The following SLC6A5 variants were observed in gnomAD, a reference collection of about 807,000 sequenced individuals.
SLC6A5 encodes the protein sodium- and chloride-dependent glycine transporter 2.
In SLC6A5, 58 loss-of-function variants were observed where a neutral mutation model predicts 90.5. The observed-to-expected ratio is 0.64, with a 90% CI of 0.52 to 0.80. The LOEUF (loss-of-function observed/expected upper bound fraction) is 0.80, where lower values mean the gene tolerates loss of function less well. Among genes scored for constraint, SLC6A5 ranks in the 30% least tolerant of loss-of-function variants. The probability of loss-of-function intolerance (pLI) is 0.00; values close to 1 mark genes in which losing one functional copy is unlikely to be tolerated. For missense variants in SLC6A5, 1,015 were observed against 1,017.6 expected, an observed-to-expected ratio of 1.00 and a Z score of 0.03; for synonymous variants, 427 against 401.4, an observed-to-expected ratio of 1.06 and a Z score of -0.76.
In SLC6A5 at chr11:20,614,817, T is replaced by C; in HGVS notation, c.1124T>C (p.Phe375Ser). ...KTFVSGSEEY[F>S]KYFVLKISAG... The stretch of plus-strand genomic sequence containing the variant: ...TTTGTCAGTGGAAGTGAAGAGTACT[T>C]CAAGTAAGATGACTTTCTTTTTCCT... Residue 375 changes from phenylalanine to serine, a missense_variant, in exon 6 of 16, where the codon TTC becomes TCC. By Grantham distance (155) the Phe-to-Ser change is radical (BLOSUM62 -2). Around this residue, in one of 3 missense-constraint regions of SLC6A5, gnomAD observed 567 missense variants for 507.3 expected, o/e 1.12. Coordinates refer to ENST00000525748, the MANE Select transcript of SLC6A5 (RefSeq NM_004211.5). The C allele has an allele frequency of 6.2e-7, 1 of 1,613,024 alleles. No individual in the cohort carries two copies. The highest frequency in any genetic ancestry group is 8.5e-7 in the Non-Finnish European group (1 of 1,178,926).
chr11:20,623,963 C>T (rs893715548), intron 7 of SLC6A5, among the ~76,000 whole-genome samples: 37 of 151,828 alleles, frequency 2.4e-4, no homozygotes, highest in Non-Finnish European at 4.6e-4. Context: ...ATACTTATCA[C>T]GATTATTGTT....
intron 13 of SLC6A5, among the ~76,000 whole-genome samples, chr11:20,639,571 GC>G: frequency 6.6e-6 from 1 of 152,240 alleles, no homozygotes; most frequent in East Asian, 1.9e-4. Flanking sequence ...TAAACTGGGG[GC>G]CCAGCAAAGC....
At chr11:20,632,768 C>T (rs567439199) in intron 10 of SLC6A5, among the ~76,000 whole-genome samples, 1 of 152,328 alleles carries the variant, frequency 6.6e-6, no homozygotes, top group African/African-American at 2.4e-5. Context: ...TCAACCTGAG[C>T]CCCACTTCCT....
chr11:20,635,848 T>C (rs997124632), intron 10 of SLC6A5, among the ~76,000 whole-genome samples: 4 of 152,186 alleles, frequency 2.6e-5, no homozygotes, highest in African/African-American at 7.2e-5. Context: ...GTAGTTATCC[T>C]ACCCCTACCC....
At chr11:20,643,345 G>C (rs1038916562) in intron 13 of SLC6A5, among the ~76,000 whole-genome samples, 4 of 151,784 alleles carry the variant, frequency 2.6e-5, no homozygotes, top group African/African-American at 7.3e-5. Flanking sequence ...TGCTCAGAAG[G>C]CCTAGTGATC....
At position 20,601,178 on chromosome 11, in the gene SLC6A5, AGGC is replaced by A; in HGVS notation, c.64_66del (p.Ala22del). The A allele has an allele frequency of 1.3e-6, 2 of 1,589,456 alleles. No homozygotes were observed. The highest frequency in any genetic ancestry group is 1.7e-5 in the Admixed American group (1 of 58,888). On this transcript the variant is annotated inframe_deletion, in exon 2 of 16. Transcript: ENST00000525748. Reference sequence around the variant, plus strand: ...AATAAACTGCCAGCCAACAGCCCGGAGGCGGCGGCGGCGCAGGGCCACCCGGAT... The same window carrying A: ...AATAAACTGCCAGCCAACAGCCCGGAGGCGGCGGCGCAGGGCCACCCGGAT...
rs1425819951 is a variant in SLC6A5 at position 20,617,842 on chromosome 11, T to C, written c.1218T>C (p.Ile406=). The C allele has an allele frequency of 2.5e-6, 4 of 1,613,898 alleles. No individual in the cohort carries two copies. The African/African-American group carries it at 4.0e-5, about 16-fold the overall frequency. ...TCTGCCTCTTCCTGGCTTGGGTCAT[T>C]GTGTATGCATCATTGGCTAAAGGAA... ...LALCLFLAWV[I]VYASLAKGIK... is the part of the protein sequence containing the mutation. The change falls in exon 7 of 16, where the codon ATT becomes ATC. Residue 406 remains isoleucine (I), a synonymous_variant. Coordinates refer to ENST00000525748, the MANE Select transcript of SLC6A5 (RefSeq NM_004211.5).
intron 9 of SLC6A5, among the ~76,000 whole-genome samples, 174 bp downstream of exon 9, chr11:20,628,257 C>T (rs1323220702): frequency 6.6e-6 from 1 of 152,168 alleles, no homozygotes; most frequent in Non-Finnish European, 1.5e-5. Context: ...CTTCTGAAGG[C>T]CTGGACCCTC....
In SLC6A5 at chr11:20,657,129, A is replaced by C. The variant is rs866796669; in HGVS notation, c.*2261A>C. On this transcript the variant is annotated 3_prime_UTR_variant, in exon 16 of 16. Transcript: ENST00000525748. Reference sequence around the variant, plus strand: ...GGCTCTCCTGTTGCCTCTTGGCTAAAACTCTGATTGAGCCAATGGTTGCAG... The same window carrying C: ...GGCTCTCCTGTTGCCTCTTGGCTAACACTCTGATTGAGCCAATGGTTGCAG... 1 of 152,144 alleles carries C rather than the reference A, an allele frequency of 6.6e-6. No homozygotes were observed. The highest frequency in any genetic ancestry group is 3.4e-3 in the Middle Eastern group (1 of 294). 9.4% of individuals were successfully genotyped at this position (152,144 alleles called of 1,614,324 possible). A position where few individuals can be genotyped will look rare whatever the true frequency, so the allele number is the denominator to read the frequency against.
chr11:20,650,024 C>A (rs545520246), intron 14 of SLC6A5, among the ~76,000 whole-genome samples: 50 of 152,302 alleles, frequency 3.3e-4, no homozygotes, highest in Non-Finnish European at 5.9e-4. Context: ...GGCTTTGCGG[C>A]AGTAATACAG....
intron 3 of SLC6A5, among the ~76,000 whole-genome samples, chr11:20,606,552 T>A (rs1852585228): frequency 6.6e-6 from 1 of 152,064 alleles, no homozygotes; most frequent in Non-Finnish European, 1.5e-5. Flanking sequence ...TTCAGGTAAC[T>A]TACTGTAGAG....
Position 20,638,550 on chromosome 11 carries a change from A to T in SLC6A5, c.1961A>T (p.Tyr654Phe). Residue 654 changes from tyrosine to phenylalanine, a missense_variant, in exon 13 of 16, where the codon TAT becomes TTT. This residue lies in a region of SLC6A5 where 442 missense variants were observed against 494.3 expected (regional missense o/e 0.89). Transcript: ENST00000525748. Reference sequence around the variant, plus strand: ...ATTTTTGAGCTCGTGGGGATCTCTTATGTGTATGGTAAGGAAATCACTGTG... The same window carrying T: ...ATTTTTGAGCTCGTGGGGATCTCTTTTGTGTATGGTAAGGAAATCACTGTG... ...IAIFELVGIS[Y>F]VYGLQRFCED... The T allele has an allele frequency of 1.3e-6, 2 of 1,596,592 alleles. No individual in the cohort carries two copies. The highest frequency in any genetic ancestry group is 2.2e-5 in the South Asian group (2 of 90,714).
rs1590186412 is a variant in SLC6A5 at position 20,654,890 on chromosome 11, A to G, written c.*22A>G. 1 of 1,613,178 alleles carries G rather than the reference A, an allele frequency of 6.2e-7. No homozygotes were observed. Among genetic ancestry groups the G allele is most frequent in the East Asian group, 2.2e-5 (1 of 44,888 alleles). On this transcript the variant is annotated 3_prime_UTR_variant, in exon 16 of 16. Coordinates refer to ENST00000525748, the MANE Select transcript of SLC6A5 (RefSeq NM_004211.5). ...CTAGTCCAGTGGTGTGGGATGGTCCAGACTTGATCCTGTTTTTCCTCTCTG... is the reference window on the plus strand; with the variant it reads ...CTAGTCCAGTGGTGTGGGATGGTCCGGACTTGATCCTGTTTTTCCTCTCTG...
Position 20,604,426 on chromosome 11 carries a change from T to C in SLC6A5, c.679+2T>C, listed in dbSNP as rs1324338760. On this transcript the variant is annotated splice_donor_variant, in intron 3 of 15. Coordinates refer to ENST00000525748, the MANE Select transcript of SLC6A5 (RefSeq NM_004211.5). LOFTEE classifies it high-confidence loss of function. ...ACCTGGCCTTCCAGAACGGGGGAGG[T>C]ATGGCTTTTCCGCTCTTTCCGCCTG... 1.9e-6 allele frequency: 3 copies of C among 1,612,432 alleles called. No individual in the cohort carries two copies. In the South Asian group the frequency reaches 3.3e-5, roughly 18 times the overall value.
At chr11:20,638,025 T>C (rs1307216317) in intron 12 of SLC6A5, among the ~76,000 whole-genome samples, 2 of 152,106 alleles carry the variant, frequency 1.3e-5, no homozygotes, top group Non-Finnish European at 2.9e-5. Context: ...AAGATTGAGG[T>C]AGAGATAATG....
chr11:20,632,168 C>G (rs1474249294), intron 10 of SLC6A5, among the ~76,000 whole-genome samples: 1 of 152,100 alleles, frequency 6.6e-6, no homozygotes, highest in East Asian at 1.9e-4. Flanking sequence ...GGAGTCACTT[C>G]CAGCTGTCCT....
At chr11:20,615,781 A>T (rs1384543415) in intron 6 of SLC6A5, among the ~76,000 whole-genome samples, 2 of 151,072 alleles carry the variant, frequency 1.3e-5, no homozygotes, top group Non-Finnish European at 3.0e-5. Context: ...GTACTCGGGC[A>T]TGGCAGGAAT....
intron 5 of SLC6A5, among the ~76,000 whole-genome samples, chr11:20,608,938 CTCTCTCTCTCTCTCTCTCTCTGTGTG>C (rs1450473379): frequency 1.1e-5 from 1 of 91,532 alleles, no homozygotes; most frequent in East Asian, 3.0e-4. Context: ...CTCTCTCTCT[CTCTCTCTCTCTCTCTCTCTCTGTGTG>C]TGTGTGTGTG....
chr11:20,627,905 C>T, intron 8 of SLC6A5, 75 bp from the exon 9 acceptor site: 1 of 1,022,604 alleles, frequency 9.8e-7, no homozygotes, highest in South Asian at 1.3e-5. Flanking sequence ...TGATATGGCA[C>T]TGGGTGTGTG....
Sources: gnomAD v4.1 joint callset for allele counts (sites outside exome capture counted in the v4.1 genomes callset) on GRCh38, gnomAD v4.1.1 for gene constraint, gnomAD v4.1.1 regional missense constraint, MANE v1.5 for transcripts, NCBI Gene and HGNC (gene_info 2026-07-23, HGNC 2026-07-21) for gene names.